CHRM3: variants seen among roughly 807,000 people sequenced by gnomAD.
The protein encoded by CHRM3 is muscarinic acetylcholine receptor M3.
In CHRM3, 11 loss-of-function variants were observed where a neutral mutation model predicts 41.8. The ratio of observed to expected loss-of-function variants is 0.26; its 90% CI spans 0.17 to 0.44. CHRM3 has a LOEUF of 0.44. Among genes scored for constraint, CHRM3 ranks in the 20% least tolerant of loss-of-function variants. CHRM3 has a pLI of 1.00. For missense variants in CHRM3, 571 were observed against 745.4 expected (o/e 0.77, Z 2.72); for synonymous variants, 297 against 301.4 (o/e 0.99, Z 0.15).
At chr1:239,749,977 C>T (rs1337007488) in intron 5 of CHRM3, among the ~76,000 whole-genome samples, 1 of 152,148 alleles carries the variant, frequency 6.6e-6, no homozygotes, top group Non-Finnish European at 1.5e-5. Context: ...TTTAAAAAGC[C>T]TCATGGCTGT....
intron 1 of CHRM3, among the ~76,000 whole-genome samples, chr1:239,481,276 C>CAA (rs10677313): frequency 0.06 from 9,140 of 152,170 alleles, 758 homozygotes; most frequent in African/African-American, 0.19. Context: ...TATCTCTTAA[C>CAA]TATGTATAGA....
Position 239,907,770 on chromosome 1 carries a change from C to T in CHRM3, c.319C>T (p.Leu107Phe). The T allele has an allele frequency of 6.2e-7, 1 of 1,614,178 alleles. No individual in the cohort carries two copies. The highest frequency in any genetic ancestry group is 8.5e-7 in the Non-Finnish European group (1 of 1,180,040). Residue 107 changes from leucine (L) to phenylalanine (F), a missense_variant, in exon 7 of 7, where the codon CTC (leucine) becomes TTC (phenylalanine). Leu to Phe is a conservative substitution (Grantham distance 22, BLOSUM62 0). Around this residue, in one of 5 missense-constraint regions of CHRM3, gnomAD observed 153 missense variants for 296.3 expected, o/e 0.52. Coordinates refer to ENST00000676153, the MANE Select transcript of CHRM3 (RefSeq NM_001375978.1). The surrounding 1 kb of genome is among the most constrained non-coding windows in gnomAD (Gnocchi z 5.4). ...GCTGAAGACGGTCAACAACTACTTC[C>T]TCTTAAGCCTGGCCTGTGCCGATCT... ...KQLKTVNNYF[L>F]LSLACADLII...
At chr1:239,394,931 T>A (rs1447974427) in intron 1 of CHRM3, among the ~76,000 whole-genome samples, 1 of 152,076 alleles carries the variant, frequency 6.6e-6, no homozygotes, top group Non-Finnish European at 1.5e-5. Context: ...ACTCCCCTAA[T>A]CTCATTACCC....
chr1:239,570,198 A>G (rs144323480), intron 3 of CHRM3, among the ~76,000 whole-genome samples: 1 of 152,088 alleles, frequency 6.6e-6, no homozygotes, highest in African/African-American at 2.4e-5. Context: ...GTGAATTATC[A>G]TGAGATCTGA....
intron 1 of CHRM3, among the ~76,000 whole-genome samples, chr1:239,400,632 G>A (rs1446625721): frequency 6.6e-6 from 1 of 152,104 alleles, no homozygotes; most frequent in African/African-American, 2.4e-5. Context: ...TTTTGTATTT[G>A]GTGTGAGATA....
chr1:239,519,979 C>T (rs963509290), intron 2 of CHRM3, among the ~76,000 whole-genome samples: 5 of 151,992 alleles, frequency 3.3e-5, no homozygotes, highest in African/African-American at 1.2e-4. Context: ...GATCTCCTGA[C>T]CTCGTGATCT....
intron 1 of CHRM3, among the ~76,000 whole-genome samples, chr1:239,420,643 A>G: frequency 1.3e-5 from 2 of 152,224 alleles, no homozygotes; most frequent in Non-Finnish European, 2.9e-5. Flanking sequence ...GGGTAAGATT[A>G]TTAAAAATAC....
intron 1 of CHRM3, among the ~76,000 whole-genome samples, chr1:239,461,898 C>T (rs2147883710): frequency 6.6e-6 from 1 of 152,216 alleles, no homozygotes; most frequent in African/African-American, 2.4e-5. Flanking sequence ...TCTTTCCCCT[C>T]AGCATTCTCA....
intron 1 of CHRM3, among the ~76,000 whole-genome samples, chr1:239,422,518 A>C (rs1043921165): frequency 6.6e-6 from 1 of 152,164 alleles, no homozygotes; most frequent in Admixed American, 6.6e-5. Context: ...AAAGTTGTCC[A>C]AGCGCGGTGG....
intron 3 of CHRM3, among the ~76,000 whole-genome samples, chr1:239,559,680 A>C (rs1373289151): frequency 6.6e-6 from 1 of 152,134 alleles, no homozygotes; most frequent in Non-Finnish European, 1.5e-5. Flanking sequence ...ACCTGAATTG[A>C]TTAAATTGTT....
intron 5 of CHRM3, among the ~76,000 whole-genome samples, chr1:239,734,158 A>T (rs1219293604): frequency 6.6e-6 from 1 of 152,206 alleles, no homozygotes; most frequent in Admixed American, 6.6e-5. Flanking sequence ...AAGCATTCAC[A>T]TGTAGCTTTT....
At chr1:239,516,453 T>A (rs1669277541) in intron 2 of CHRM3, among the ~76,000 whole-genome samples, 1 of 152,198 alleles carries the variant, frequency 6.6e-6, no homozygotes, top group Admixed American at 6.5e-5. Flanking sequence ...ATTAATGACA[T>A]TTCATCTGCC....
chr1:239,696,719 A>G (rs1433599965), intron 5 of CHRM3, among the ~76,000 whole-genome samples: 1 of 152,202 alleles, frequency 6.6e-6, no homozygotes, highest in East Asian at 1.9e-4. Context: ...AATATGAATT[A>G]TGTGTCAAAA....
chr1:239,887,997 C>T (rs1678215239), intron 6 of CHRM3, among the ~76,000 whole-genome samples: 1 of 152,088 alleles, frequency 6.6e-6, no homozygotes. Flanking sequence ...CTTTCATAGC[C>T]TTGTTGCATA....
intron 5 of CHRM3, among the ~76,000 whole-genome samples, chr1:239,783,256 T>G (rs1668639502): frequency 6.6e-6 from 1 of 151,758 alleles, no homozygotes; most frequent in African/African-American, 2.4e-5. Context: ...AAAATATAAT[T>G]TAATATAATA....
chr1:239,827,929 T>G (rs1418343556), intron 6 of CHRM3, among the ~76,000 whole-genome samples: 6 of 152,222 alleles, frequency 3.9e-5, no homozygotes, highest in Admixed American at 2.6e-4. Context: ...GTGCAGCATG[T>G]AATTCTTTAC....
At chr1:239,483,751 C>A (rs1156568977) in intron 1 of CHRM3, among the ~76,000 whole-genome samples, 1 of 152,160 alleles carries the variant, frequency 6.6e-6, no homozygotes, top group African/African-American at 2.4e-5. Context: ...AAAGTAGAGA[C>A]AAATTATGAC....
intron 3 of CHRM3, among the ~76,000 whole-genome samples, chr1:239,599,780 T>C (rs534531620): frequency 6.6e-6 from 1 of 152,342 alleles, no homozygotes; most frequent in African/African-American, 2.4e-5. Context: ...TATTTTATAA[T>C]AGTGTTGAAT....
intron 5 of CHRM3, among the ~76,000 whole-genome samples, chr1:239,823,312 T>C (rs1316401263): frequency 6.6e-6 from 1 of 151,992 alleles, no homozygotes; most frequent in Admixed American, 6.6e-5. Flanking sequence ...CCTCATAGAA[T>C]CATAGAGGAG....
Sources: gnomAD v4.1 joint callset for allele counts (sites outside exome capture counted in the v4.1 genomes callset) on GRCh38, gnomAD v4.1.1 for gene constraint, gnomAD v4.1.1 regional missense constraint, Gnocchi (gnomAD v3.1) non-coding constraint, MANE v1.5 for transcripts, NCBI Gene and HGNC (gene_info 2026-07-23, HGNC 2026-07-21) for gene names.